The following SURF1 variants were observed in gnomAD, a reference collection of about 807,000 sequenced individuals.
The protein encoded by SURF1 is surfeit locus protein 1.
A neutral mutation model predicts 34.1 loss-of-function variants in SURF1; 45 were observed. The ratio of observed to expected loss-of-function variants is 1.32; its 90% CI spans 1.04 to 1.69. The LOEUF is 1.69. Among genes scored for constraint, SURF1 ranks in the 40% most tolerant of loss-of-function variants. The pLI is 0.00. For missense variants in SURF1, 456 were observed against 384.6 expected (o/e 1.19, Z -1.55); for synonymous variants, 188 against 147.5 (o/e 1.27, Z -1.99).
At chr9:133,352,219 T>C in intron 7 of SURF1, 77 bp from the exon 8 acceptor site, 1 of 1,474,170 alleles carries the variant, frequency 6.8e-7, no homozygotes, top group African/African-American at 1.4e-5. Context: ...GCTGTCATTT[T>C]TGCGTGGCCA....
intron 1 of SURF1, 33 bp downstream of exon 1, chr9:133,356,367 C>T (rs2130025990): frequency 2.4e-6 from 3 of 1,243,568 alleles, no homozygotes; most frequent in Non-Finnish European, 3.0e-6. Flanking sequence ...CCTCCCCGCG[C>T]CCCGCACCCC....
Position 133,352,906 on chromosome 9 carries a change from C to T in SURF1, c.516-140G>A, listed in dbSNP as rs114540295. On this transcript the variant is annotated intron_variant, in intron 5 of 8. Transcript: ENST00000371974. ...CAGGGCTGGCTCAGTGGAGCCCTGG[C>T]AGTGCCACACAGGCAAAGTCTTCCT... 9.0e-4 allele frequency: 851 copies of T among 943,262 alleles called. 3 individuals carry two copies. The African/African-American group carries it at 0.012, about 14-fold the overall frequency. 58.4% of individuals were successfully genotyped at this position (943,262 alleles called of 1,614,324 possible). A position where few individuals can be genotyped will look rare whatever the true frequency, so the allele number is the denominator to read the frequency against.
At chr9:133,352,208 G>A (rs1199914023) in intron 7 of SURF1, 66 bp from the exon 8 acceptor site, 1 of 1,504,796 alleles carries the variant, frequency 6.6e-7, no homozygotes, top group Non-Finnish European at 9.0e-7. Flanking sequence ...ACTTCCTAGT[G>A]GCTGTCATTT....
At chr9:133,355,337 T>C (rs2130021413) in intron 2 of SURF1, among the ~76,000 whole-genome samples, 5 of 152,062 alleles carry the variant, frequency 3.3e-5, no homozygotes, top group Non-Finnish European at 5.9e-5. Context: ...TCCCAGCACT[T>C]TGGGAGGCCA....
intron 5 of SURF1, 150 bp from the exon 6 acceptor site, chr9:133,352,916 C>T: frequency 1.1e-6 from 1 of 890,038 alleles, no homozygotes; most frequent in Non-Finnish European, 1.8e-6. Context: ...CAGTGCCACA[C>T]AGGCAAAGTC....
At chr9:133,353,006 C>T (rs190548680) in intron 5 of SURF1, among the ~76,000 whole-genome samples, 1 of 152,334 alleles carries the variant, frequency 6.6e-6, no homozygotes, top group African/African-American at 2.4e-5. Flanking sequence ...TGGCTTTCCC[C>T]TTCTATCTCT....
chr9:133,354,715 G>A lies in SURF1; in HGVS notation c.267C>T (p.Asn89=), dbSNP rs2130018041. Residue 89 remains asparagine (N), a synonymous_variant, in exon 4 of 9, where the codon AAC becomes AAT. Transcript: ENST00000371974. ...WQVQRRKWKL[N]LIAELESRVL... is the part of the protein sequence containing the mutation. ...CTCTGGACTCCAACTCTGCAATCAG[G>A]TTCAGCTTCCACTTCCGACGCTGGA... 2 of 1,613,472 alleles carry A rather than the reference G, an allele frequency of 1.2e-6. No homozygotes were observed. Among genetic ancestry groups the A allele is most frequent in the African/African-American group, 1.3e-5 (1 of 74,906 alleles).
Position 133,356,326 on chromosome 9 carries a change from G to A in SURF1, c.55-6C>T. The stretch of plus-strand genomic sequence containing the variant: ...CAGGCGGCGCTGGCCGGGGCCTGCG[G>A]ACACGGACGGGCGGGCTGAGCTCCG... On this transcript the variant is annotated splice_polypyrimidine_tract_variant and splice_region_variant and intron_variant, in intron 1 of 8. Transcript: ENST00000371974. 1 of 1,514,334 alleles carries A rather than the reference G, an allele frequency of 6.6e-7. No homozygotes were observed. Among genetic ancestry groups the A allele is most frequent in the Non-Finnish European group, 8.8e-7 (1 of 1,138,622 alleles). The allele number at this position is 1,514,334 out of a possible 1,614,324, so 93.8% of individuals were successfully genotyped here.
intron 2 of SURF1, among the ~76,000 whole-genome samples, chr9:133,355,521 T>A (rs1448440650): frequency 6.6e-6 from 1 of 152,166 alleles, no homozygotes; most frequent in African/African-American, 2.4e-5. Flanking sequence ...GTGGTTGCTG[T>A]AAGCCGAGAT....
At position 133,351,790 on chromosome 9, in the gene SURF1, G is replaced by A; in HGVS notation, c.*123C>T. ...TGAAACCAAGCCAGGATTTTATGATGAACCAGTCATGAGCTCATTTAAGGT... is the reference window on the plus strand; with the variant it reads ...TGAAACCAAGCCAGGATTTTATGATAAACCAGTCATGAGCTCATTTAAGGT... On this transcript the variant is annotated 3_prime_UTR_variant, in exon 9 of 9. Transcript: ENST00000371974. 8.9e-7 allele frequency: 1 copy of A among 1,125,550 alleles called. No individual in the cohort carries two copies. The highest frequency in any genetic ancestry group is 1.3e-6 in the Non-Finnish European group (1 of 765,138). 69.7% of individuals were successfully genotyped at this position (1,125,550 alleles called of 1,614,324 possible).
At chr9:133,356,088 C>T (rs1836574365) in intron 2 of SURF1, 181 bp downstream of exon 2, 5 of 843,452 alleles carry the variant, frequency 5.9e-6, no homozygotes, top group Non-Finnish European at 5.7e-6. Flanking sequence ...CGCTACATGC[C>T]CGGCACACGA....
intron 2 of SURF1, chr9:133,355,986 C>T: frequency 1.8e-6 from 1 of 549,714 alleles, no homozygotes; most frequent in Non-Finnish European, 3.3e-6. Flanking sequence ...CACCCATTAG[C>T]TGGATGGGAC....
intron 5 of SURF1, 117 bp from the exon 6 acceptor site, chr9:133,352,883 G>A: frequency 1.7e-6 from 2 of 1,198,060 alleles, no homozygotes; most frequent in Non-Finnish European, 2.4e-6. Flanking sequence ...TTTTAAAACA[G>A]GGCTGGCTCA....
chr9:133,354,142 C>G (rs2130016285), intron 4 of SURF1: 6 of 660,360 alleles, frequency 9.1e-6, no homozygotes, highest in East Asian at 5.5e-5. Flanking sequence ...GGCTAAAAAT[C>G]TGGACTCCTC....
Position 133,354,641 on chromosome 9 carries a change from G to A in SURF1, c.323+18C>T. On this transcript the variant is annotated intron_variant, in intron 4 of 8. Transcript: ENST00000371974. ...AACTCAAGTAAAACAGGCCCTAGGG[G>A]GGCAGCCATGCACTCACTCGGCTGG... 1 of 1,612,000 alleles carries A rather than the reference G, an allele frequency of 6.2e-7. No individual in the cohort carries two copies. The highest frequency in any genetic ancestry group is 8.5e-7 in the Non-Finnish European group (1 of 1,179,960).
At chr9:133,355,769 G>A (rs2130022704) in intron 2 of SURF1, among the ~76,000 whole-genome samples, 5 of 151,944 alleles carry the variant, frequency 3.3e-5, no homozygotes, top group Admixed American at 2.0e-4. Context: ...GCTCTCAGAG[G>A]ATGAGTTCCA....
chr9:133,354,391 A>G (rs2130016998), intron 4 of SURF1: 9 of 547,894 alleles, frequency 1.6e-5, no homozygotes, highest in African/African-American at 1.1e-4. Context: ...CCTGTGGAGG[A>G]TAAGTTTACT....
chr9:133,353,995 C>A, intron 4 of SURF1, 55 bp from the exon 5 acceptor site: 3 of 1,606,646 alleles, frequency 1.9e-6, no homozygotes, highest in Admixed American at 3.3e-5. Context: ...AACGAATCCC[C>A]TGAGGGTGGC....
In SURF1 at chr9:133,354,863, G is replaced by A. The variant is rs2130019259; in HGVS notation, c.201C>T (p.Leu67=). 3.1e-6 allele frequency: 5 copies of A among 1,613,930 alleles called. No individual in the cohort carries two copies. The highest frequency in any genetic ancestry group is 4.2e-6 in the Non-Finnish European group (5 of 1,180,046). ...EDDSFLQWVL[L]LIPVTAFGLG... Reference sequence around the variant, plus strand: ...AGCCAAAGGCAGTCACAGGGATGAGGAGCAGGACCCACTGAAGAAAGGAGT... The same window carrying A: ...AGCCAAAGGCAGTCACAGGGATGAGAAGCAGGACCCACTGAAGAAAGGAGT... The change falls in exon 3 of 9, where the codon CTC becomes CTT. Residue 67 remains leucine, a synonymous_variant. Coordinates refer to ENST00000371974, the MANE Select transcript of SURF1 (RefSeq NM_003172.4).
Sources: allele counts gnomAD v4.1 joint callset (sites outside exome capture counted in the v4.1 genomes callset), GRCh38; gene constraint gnomAD v4.1.1; transcripts MANE v1.5; gene names NCBI Gene and HGNC (gene_info 2026-07-23, HGNC 2026-07-21).